The following HABP4 variants were observed in gnomAD, a reference collection of about 807,000 sequenced individuals.
The protein encoded by HABP4 is intracellular hyaluronan-binding protein 4.
A neutral mutation model predicts 44.1 loss-of-function variants in HABP4; 32 were observed. The observed-to-expected ratio is 0.73, with a 90% CI of 0.55 to 0.97. HABP4 has a LOEUF of 0.97. Ranked by LOEUF, HABP4 falls within the 50% of genes least tolerant of loss-of-function variation. The pLI is 0.00. For missense variants in HABP4, 503 were observed against 561.9 expected (o/e 0.90, Z 1.06); for synonymous variants, 216 against 218.0 (o/e 0.99, Z 0.08).
intron 2 of HABP4, among the ~76,000 whole-genome samples, chr9:96,460,820 G>A (rs1233951769): frequency 6.6e-6 from 1 of 152,058 alleles, no homozygotes; most frequent in Non-Finnish European, 1.5e-5. Context: ...AGATATGTAG[G>A]GGATTTTCAC....
intron 2 of HABP4, among the ~76,000 whole-genome samples, chr9:96,459,797 G>A (rs1832468285): frequency 6.6e-6 from 1 of 152,206 alleles, no homozygotes; most frequent in Non-Finnish European, 1.5e-5. Flanking sequence ...TGGGTGGGCT[G>A]AGCAGGTGAT....
chr9:96,487,295 T>TA (rs1832991917), intron 6 of HABP4, among the ~76,000 whole-genome samples: 1 of 152,210 alleles, frequency 6.6e-6, no homozygotes, highest in Non-Finnish European at 1.5e-5. Flanking sequence ...TGTAGGTTTT[T>TA]ACTTTACTTA....
rs1453834047 is a variant in HABP4, at chr9:96,488,987, AG to A, written c.1185+714del. Reference sequence around the variant, plus strand: ...CAGTGCCACGCAGTGCCTGGCATGTAGTAGGTGCTTCCTAATGTGGTATGGA... The same window carrying A: ...CAGTGCCACGCAGTGCCTGGCATGTATAGGTGCTTCCTAATGTGGTATGGA... On this transcript the variant is annotated intron_variant, in intron 7 of 7. Transcript: ENST00000375249. The surrounding 1 kb of genome is among the most constrained non-coding windows in gnomAD (Gnocchi z 4.6). Among the ~76,000 whole-genome samples, 1 of 152,112 alleles carries A rather than the reference AG, an allele frequency of 6.6e-6. No homozygotes were observed. The highest frequency in any genetic ancestry group is 1.9e-4 in the East Asian group (1 of 5,176).
chr9:96,479,510 G>A (rs1272911319), intron 5 of HABP4, among the ~76,000 whole-genome samples: 2 of 151,500 alleles, frequency 1.3e-5, no homozygotes, highest in African/African-American at 4.8e-5. Context: ...TGAAAAACAT[G>A]ATTTTTTTTT....
chr9:96,464,182 C>T (rs1247496763), intron 2 of HABP4, among the ~76,000 whole-genome samples: 1 of 152,044 alleles, frequency 6.6e-6, no homozygotes, highest in Non-Finnish European at 1.5e-5. Context: ...AATAAGGGCT[C>T]CGCGTTGGGC....
chr9:96,487,984 CT>C, intron 6 of HABP4, 104 bp from the exon 7 acceptor site: 3 of 790,352 alleles, frequency 3.8e-6, no homozygotes, highest in Admixed American at 3.8e-5. Flanking sequence ...TGACTAGCCC[CT>C]GATGGTGTTT....
At chr9:96,486,512 C>T (rs1185383671) in intron 6 of HABP4, among the ~76,000 whole-genome samples, 1 of 152,208 alleles carries the variant, frequency 6.6e-6, no homozygotes, top group East Asian at 1.9e-4. Context: ...AGAAGCTGCT[C>T]TTTCTTAATC....
chr9:96,464,669 G>A (rs1387620444), intron 2 of HABP4, among the ~76,000 whole-genome samples: 1 of 152,176 alleles, frequency 6.6e-6, no homozygotes, highest in Non-Finnish European at 1.5e-5. Flanking sequence ...TTGGTGGCCA[G>A]GAGTGTCATA....
At chr9:96,463,808 C>T (rs1418097750) in intron 2 of HABP4, among the ~76,000 whole-genome samples, 1 of 152,138 alleles carries the variant, frequency 6.6e-6, no homozygotes, top group African/African-American at 2.4e-5. Flanking sequence ...CTTAATGTAA[C>T]ACTTTTAGCC....
In HABP4 at chr9:96,450,562, C is replaced by G; in HGVS notation, c.283C>G (p.Arg95Gly). 7.8e-7 allele frequency: 1 copy of G among 1,275,982 alleles called. No individual in the cohort carries two copies. Among genetic ancestry groups the G allele is most frequent in the Middle Eastern group, 3.0e-4 (1 of 3,334 alleles). 79.0% of individuals were successfully genotyped at this position (1,275,982 alleles called of 1,614,324 possible). A position where few individuals can be genotyped will look rare whatever the true frequency, so the allele number is the denominator to read the frequency against. The change falls in exon 1 of 8, where the codon CGC becomes GGC. Residue 95 changes from arginine (R) to glycine (G), a missense_variant. This residue lies in a region of HABP4 where 290 missense variants were observed against 300.5 expected (regional missense o/e 0.97). Coordinates refer to ENST00000375249, the MANE Select transcript of HABP4 (RefSeq NM_014282.4). The surrounding 1 kb of genome is among the most constrained non-coding windows in gnomAD (Gnocchi z 4.8). ...CGGCCGGAGGGAGTCGCAGAAGGAG[C>G]GCAAGAGCCTCCCGGCGCCCGTCGC... The part of the protein sequence containing the change: ...AGGRRESQKE[R>G]KSLPAPVAQR...
chr9:96,475,394 A>AC (rs1832769343), intron 5 of HABP4, among the ~76,000 whole-genome samples: 1 of 151,426 alleles, frequency 6.6e-6, no homozygotes, highest in African/African-American at 2.4e-5. Context: ...CAACAACAAA[A>AC]AAAAAAAAAA....
Position 96,450,602 on chromosome 9 carries a change from GC to G in HABP4, c.327del (p.Gly111AlafsTer72), listed in dbSNP as rs1420402333. On this transcript the variant is annotated frameshift_variant, in exon 1 of 8. Transcript: ENST00000375249. LOFTEE classifies it high-confidence loss of function. The surrounding 1 kb of genome is among the most constrained non-coding windows in gnomAD (Gnocchi z 4.8). Reference sequence around the variant, plus strand: ...GCGCCCGTCGCTCAGCGGCCCGATAGCCCCGGGGGCGGCCTGCAGGCGCCGG... The same window carrying G: ...GCGCCCGTCGCTCAGCGGCCCGATAGCCCGGGGGCGGCCTGCAGGCGCCGG... ...LPAPVAQRPDSPGGGLQAPGQ... is the reference protein window; with the variant it reads ...LPAPVAQRPDXPGGGLQAPGQ... The G allele has an allele frequency of 7.8e-7, 1 of 1,274,658 alleles. No individual in the cohort carries two copies. The highest frequency in any genetic ancestry group is 9.9e-7 in the Non-Finnish European group (1 of 1,010,632). 79.0% of individuals were successfully genotyped at this position (1,274,658 alleles called of 1,614,324 possible).
chr9:96,452,914 T>G (rs1036526691), intron 1 of HABP4, among the ~76,000 whole-genome samples: 4 of 89,738 alleles, frequency 4.5e-5, no homozygotes, highest in Non-Finnish European at 6.7e-5. Context: ...GAAAAGGGTT[T>G]TTTTTTTTTT....
At chr9:96,456,160 A>G (rs1393294906) in intron 1 of HABP4, among the ~76,000 whole-genome samples, 2 of 152,220 alleles carry the variant, frequency 1.3e-5, no homozygotes, top group Admixed American at 1.3e-4. Context: ...TCACTACAGG[A>G]TATGAATTGA....
chr9:96,453,114 CAG>C (rs1410594579), intron 1 of HABP4, among the ~76,000 whole-genome samples: 1 of 110,050 alleles, frequency 9.1e-6, no homozygotes, highest in Non-Finnish European at 1.8e-5. Context: ...TTTTTTGAGA[CAG>C]AGTGCAGTGG....
At position 96,471,047 on chromosome 9, in the gene HABP4, A is replaced by G. The variant is rs777437654; in HGVS notation, c.780A>G (p.Thr260=). Residue 260 remains threonine, a synonymous_variant, in exon 5 of 8, where the codon ACA becomes ACG. Transcript: ENST00000375249. ...VEPTAPMEEP[T]VVEESQGTPE... ...CAACTGCACCGATGGAGGAACCCAC[A>G]GTGGTGGAGGAGTCCCAGGGCACCC... The G allele has an allele frequency of 1.9e-6, 3 of 1,608,748 alleles. No homozygotes were observed. The African/African-American group carries it at 4.0e-5, about 21-fold the overall frequency.
At chr9:96,484,375 G>T in intron 5 of HABP4, 87 bp from the exon 6 acceptor site, 1 of 640,122 alleles carries the variant, frequency 1.6e-6, no homozygotes. Flanking sequence ...AAAATATGTT[G>T]AATTAATGGT....
In HABP4 at chr9:96,458,732, C is replaced by T. The variant is rs539939260; in HGVS notation, c.512+191C>T. 6.0e-4 allele frequency among the ~76,000 whole-genome samples: 91 copies of T among 151,716 alleles called. 1 individual carries two copies. Among genetic ancestry groups the T allele is most frequent in the Non-Finnish European group, 9.9e-4 (67 of 67,960 alleles). ...TCCGCTCCCGGGTTCAAGCAATTCT[C>T]CTGCCTCAGCCTCCCAAGTAGCTGG... On this transcript the variant is annotated intron_variant, in intron 2 of 7. Transcript: ENST00000375249.
At chr9:96,458,591 G>A in intron 2 of HABP4, 50 bp downstream of exon 2, 2 of 1,177,340 alleles carry the variant, frequency 1.7e-6, no homozygotes, top group Non-Finnish European at 1.2e-6. Flanking sequence ...GAAAGGTTTT[G>A]AGAAAATGCT....
Sources: allele counts gnomAD v4.1 joint callset (sites outside exome capture counted in the v4.1 genomes callset), GRCh38; gene constraint gnomAD v4.1.1; regional missense constraint gnomAD v4.1.1; non-coding constraint Gnocchi (gnomAD v3.1); transcripts MANE v1.5; gene names NCBI Gene and HGNC (gene_info 2026-07-23, HGNC 2026-07-21).